MDGA2: variants seen among roughly 807,000 people sequenced by gnomAD.
The protein encoded by MDGA2 is MAM domain containing glycosylphosphatidylinositol anchor 2.
Under a neutral mutation model 117.8 loss-of-function variants are expected in MDGA2, and 40 were observed. The observed-to-expected ratio is 0.34, with a 90% confidence interval of 0.26 to 0.44. The LOEUF is 0.44. MDGA2 is among the 20% of genes least tolerant of loss of function. The pLI is 1.00. For missense variants in MDGA2, 1,123 were observed against 1,250.6 expected (o/e 0.90, Z 1.54); for synonymous variants, 452 against 439.0 (o/e 1.03, Z -0.37).
chr14:47,041,080 A>T (rs562638660), intron 7 of MDGA2, among the ~76,000 whole-genome samples: 2 of 152,236 alleles, frequency 1.3e-5, no homozygotes. Context: ...GAAATATAGT[A>T]ATTCTACAAT....
chr14:47,021,157 C>T (rs1313638282), intron 8 of MDGA2, among the ~76,000 whole-genome samples: 1 of 151,996 alleles, frequency 6.6e-6, no homozygotes, highest in Non-Finnish European at 1.5e-5. Flanking sequence ...AAAAGTTTGG[C>T]TACATCAAGA....
At chr14:47,183,371 A>G (rs1884786204) in intron 3 of MDGA2, among the ~76,000 whole-genome samples, 1 of 152,078 alleles carries the variant, frequency 6.6e-6, no homozygotes, top group Non-Finnish European at 1.5e-5. Flanking sequence ...ACCTGCCCCT[A>G]CATTCATTCA....
At chr14:47,496,735 T>C (rs1300618274) in intron 1 of MDGA2, among the ~76,000 whole-genome samples, 1 of 150,460 alleles carries the variant, frequency 6.6e-6, no homozygotes, top group Non-Finnish European at 1.5e-5. Context: ...GTTACTATAA[T>C]ATGTATAATA....
intron 1 of MDGA2, among the ~76,000 whole-genome samples, chr14:47,356,137 G>A (rs796844327): frequency 1.4e-4 from 22 of 152,220 alleles, no homozygotes; most frequent in African/African-American, 4.6e-4. Flanking sequence ...CATCACTCAC[G>A]AGAGAAGAAA....
chr14:47,145,437 C>G (rs1882902405), intron 3 of MDGA2, among the ~76,000 whole-genome samples: 1 of 152,152 alleles, frequency 6.6e-6, no homozygotes, highest in East Asian at 1.9e-4. Context: ...CTGCCAACCC[C>G]TGATATGGCA....
At chr14:47,672,231 C>A (rs767009176) in intron 1 of MDGA2, among the ~76,000 whole-genome samples, 1 of 152,168 alleles carries the variant, frequency 6.6e-6, no homozygotes, top group Non-Finnish European at 1.5e-5. Context: ...GCCAGGAATA[C>A]TGATTAATAT....
At chr14:47,560,917 G>C (rs1895786909) in intron 1 of MDGA2, among the ~76,000 whole-genome samples, 1 of 152,048 alleles carries the variant, frequency 6.6e-6, no homozygotes, top group African/African-American at 2.4e-5. Context: ...CATTTGGCTA[G>C]CCAATTATCC....
chr14:47,465,465 G>A (rs533147049), intron 1 of MDGA2, among the ~76,000 whole-genome samples: 110 of 151,768 alleles, frequency 7.2e-4, no homozygotes, highest in African/African-American at 2.6e-3. Context: ...GAGTCTACAA[G>A]GAACTTAAAT....
intron 8 of MDGA2, among the ~76,000 whole-genome samples, chr14:47,006,540 GT>G (rs1209671791): frequency 6.6e-6 from 1 of 150,494 alleles, no homozygotes; most frequent in Non-Finnish European, 1.5e-5. Context: ...TGAGCACCCA[GT>G]CAACTATTAT....
intron 1 of MDGA2, 135 bp downstream of exon 1, chr14:47,674,382 C>T (rs1428426232): frequency 2.7e-6 from 2 of 744,970 alleles, no homozygotes; most frequent in Non-Finnish European, 2.2e-6. Flanking sequence ...TTTATCGCTC[C>T]CAATAACGTG....
intron 1 of MDGA2, among the ~76,000 whole-genome samples, chr14:47,637,562 G>A (rs1374106724): frequency 6.6e-6 from 1 of 152,038 alleles, no homozygotes; most frequent in African/African-American, 2.4e-5. Context: ...ATAATTTTTG[G>A]AGGTTTAAAT....
At chr14:47,402,916 G>A (rs1892185327) in intron 1 of MDGA2, among the ~76,000 whole-genome samples, 1 of 152,098 alleles carries the variant, frequency 6.6e-6, no homozygotes, top group Admixed American at 6.5e-5. Flanking sequence ...ACCTATCTGT[G>A]AATTCTCCAC....
chr14:47,144,652 CTTT>C (rs1321137745), intron 3 of MDGA2, among the ~76,000 whole-genome samples: 2 of 151,662 alleles, frequency 1.3e-5, no homozygotes, highest in Non-Finnish European at 2.9e-5. Context: ...TACTCTTTCT[CTTT>C]TTTCTTTTTT....
chr14:47,224,852 T>C (rs1886428548), intron 2 of MDGA2, among the ~76,000 whole-genome samples: 1 of 152,174 alleles, frequency 6.6e-6, no homozygotes, highest in Admixed American at 6.5e-5. Flanking sequence ...TATCCTTTTG[T>C]CCTGCACTGA....
intron 1 of MDGA2, among the ~76,000 whole-genome samples, chr14:47,658,592 G>C (rs1334915372): frequency 6.6e-6 from 1 of 152,094 alleles, no homozygotes; most frequent in Non-Finnish European, 1.5e-5. Flanking sequence ...TTCTCAAACA[G>C]GATAAGCAAG....
intron 2 of MDGA2, among the ~76,000 whole-genome samples, chr14:47,296,071 T>G (rs7152633): frequency 0.091 from 13,865 of 152,130 alleles, 775 homozygotes; most frequent in Non-Finnish European, 0.11. Flanking sequence ...GCTAAAAATA[T>G]CATTTTGAAG....
chr14:47,271,680 C>A (rs1185132308), intron 2 of MDGA2, among the ~76,000 whole-genome samples: 3 of 151,310 alleles, frequency 2.0e-5, no homozygotes, highest in Admixed American at 1.3e-4. Context: ...ATTCTTTTCT[C>A]CCTTTAGACA....
At chr14:46,891,050 G>C (rs1882864514) in intron 10 of MDGA2, among the ~76,000 whole-genome samples, 1 of 151,938 alleles carries the variant, frequency 6.6e-6, no homozygotes, top group South Asian at 2.1e-4. Flanking sequence ...TGAAAACAAA[G>C]ACTGTCATTT....
At chr14:47,567,496 CT>C (rs1487170559) in intron 1 of MDGA2, among the ~76,000 whole-genome samples, 1 of 152,208 alleles carries the variant, frequency 6.6e-6, no homozygotes, top group Non-Finnish European at 1.5e-5. Context: ...TAAATTTCAT[CT>C]TTCTGAGCTC....
Sources: gnomAD v4.1 joint callset for allele counts (sites outside exome capture counted in the v4.1 genomes callset) on GRCh38, gnomAD v4.1.1 for gene constraint, MANE v1.5 for transcripts, NCBI Gene and HGNC (gene_info 2026-07-23, HGNC 2026-07-21) for gene names.